HS6ST3: variants seen among roughly 807,000 people sequenced by gnomAD.
HS6ST3 encodes the protein heparan-sulfate 6-O-sulfotransferase 3.
In HS6ST3, 12 loss-of-function variants were observed where a neutral mutation model predicts 36.7. The ratio of observed to expected loss-of-function variants is 0.33; its 90% confidence interval spans 0.21 to 0.53. The LOEUF (loss-of-function observed/expected upper bound fraction) is 0.53. Ranked by LOEUF, HS6ST3 falls within the 20% of genes least tolerant of loss-of-function variation. HS6ST3 has a pLI of 0.95. For missense variants in HS6ST3, 584 were observed against 640.9 expected (o/e 0.91, Z 0.96); for synonymous variants, 240 against 257.5 (o/e 0.93, Z 0.65).
intron 1 of HS6ST3, among the ~76,000 whole-genome samples, chr13:96,636,101 C>T (rs2056548787): frequency 6.6e-6 from 1 of 152,170 alleles, no homozygotes; most frequent in Non-Finnish European, 1.5e-5. Flanking sequence ...AACCCAGAGT[C>T]TTCCCTGGGA....
intron 1 of HS6ST3, among the ~76,000 whole-genome samples, chr13:96,784,892 G>A (rs1877608653): frequency 6.6e-6 from 1 of 152,186 alleles, no homozygotes; most frequent in African/African-American, 2.4e-5. Context: ...CTTAGGCTGG[G>A]CACAGTGGCT....
rs923536416 is a variant in HS6ST3, at chr13:96,258,102, A to G, written c.707+166533A>G. Among the ~76,000 whole-genome samples, 24 of 152,344 alleles carry G rather than the reference A, an allele frequency of 1.6e-4. No individual in the cohort carries two copies. The Middle Eastern group carries it at 0.01, about 65-fold the overall frequency. On this transcript the variant is annotated intron_variant, in intron 1 of 1. Coordinates refer to ENST00000376705, the MANE Select transcript of HS6ST3 (RefSeq NM_153456.4). ...GTACATCAGTTAAATCCAGTGGTCC[A>G]GCCTCAGGACTTAGAAGTTCTGAAG...
intron 1 of HS6ST3, among the ~76,000 whole-genome samples, chr13:96,213,974 T>C (rs2139358827): frequency 6.6e-6 from 1 of 152,258 alleles, no homozygotes; most frequent in South Asian, 2.1e-4. Flanking sequence ...AGCACCTACA[T>C]ACCCATTCCC....
At chr13:96,433,990 T>C (rs548738657) in intron 1 of HS6ST3, among the ~76,000 whole-genome samples, 3 of 152,256 alleles carry the variant, frequency 2.0e-5, no homozygotes, top group African/African-American at 4.8e-5. Context: ...GTCTTGGGTA[T>C]GTCTTTATGC....
intron 1 of HS6ST3, among the ~76,000 whole-genome samples, chr13:96,425,385 A>G (rs1163127868): frequency 6.6e-6 from 1 of 152,174 alleles, no homozygotes; most frequent in Non-Finnish European, 1.5e-5. Context: ...ATATGAGAAT[A>G]TCTGCCAAGT....
intron 1 of HS6ST3, among the ~76,000 whole-genome samples, chr13:96,549,512 C>A (rs2056210753): frequency 6.6e-6 from 1 of 152,076 alleles, no homozygotes; most frequent in Non-Finnish European, 1.5e-5. Flanking sequence ...AATTGTTTTT[C>A]TAGAAGTAAT....
intron 1 of HS6ST3, among the ~76,000 whole-genome samples, chr13:96,411,438 G>A (rs1320830638): frequency 6.6e-6 from 1 of 152,212 alleles, no homozygotes; most frequent in African/African-American, 2.4e-5. Context: ...AGGTTGAGAT[G>A]GGTGAGATAA....
At chr13:96,568,504 G>A (rs138281468) in intron 1 of HS6ST3, among the ~76,000 whole-genome samples, 24 of 152,060 alleles carry the variant, frequency 1.6e-4, no homozygotes, top group Non-Finnish European at 3.4e-4. Context: ...TGATCTGCCC[G>A]CCTCGGCCTC....
At chr13:96,720,650 T>C (rs951516594) in intron 1 of HS6ST3, among the ~76,000 whole-genome samples, 2 of 152,224 alleles carry the variant, frequency 1.3e-5, no homozygotes, top group African/African-American at 4.8e-5. Flanking sequence ...CACCATCCTT[T>C]GCTTTTATCC....
intron 1 of HS6ST3, among the ~76,000 whole-genome samples, chr13:96,810,817 A>G (rs750608554): frequency 7.9e-5 from 12 of 152,232 alleles, no homozygotes; most frequent in Admixed American, 2.6e-4. Context: ...CAGGCTATCC[A>G]CAAAACACAA....
intron 1 of HS6ST3, among the ~76,000 whole-genome samples, chr13:96,203,004 C>CTCCCTCACTCATTTACTCAT (rs2054350538): frequency 6.6e-6 from 1 of 152,120 alleles, no homozygotes; most frequent in Non-Finnish European, 1.5e-5. Flanking sequence ...CATTCACTCA[C>CTCCCTCACTCATTTACTCAT]TCCCTCACTC....
chr13:96,158,281 A>G (rs780765575), intron 1 of HS6ST3, among the ~76,000 whole-genome samples: 4 of 152,074 alleles, frequency 2.6e-5, no homozygotes, highest in African/African-American at 9.7e-5. Context: ...GGTAAAAATG[A>G]TTGGTGGTTT....
intron 1 of HS6ST3, among the ~76,000 whole-genome samples, chr13:96,156,216 A>G (rs1018465840): frequency 1.3e-5 from 2 of 152,180 alleles, no homozygotes; most frequent in South Asian, 4.1e-4. Flanking sequence ...CTGAGACACA[A>G]CAGAGAGGCA....
At chr13:96,145,242 A>G (rs1156824339) in intron 1 of HS6ST3, among the ~76,000 whole-genome samples, 1 of 151,324 alleles carries the variant, frequency 6.6e-6, no homozygotes, top group African/African-American at 2.4e-5. Flanking sequence ...GACTTCCACA[A>G]TGGTTGAACT....
intron 1 of HS6ST3, among the ~76,000 whole-genome samples, chr13:96,138,617 G>T (rs1400145300): frequency 6.6e-6 from 1 of 151,956 alleles, no homozygotes; most frequent in East Asian, 1.9e-4. Context: ...TTTCTCTCCT[G>T]TCCTAGCTTT....
chr13:96,095,774 T>G (rs1341820893), intron 1 of HS6ST3, among the ~76,000 whole-genome samples: 2 of 152,158 alleles, frequency 1.3e-5, no homozygotes, highest in Non-Finnish European at 2.9e-5. Flanking sequence ...GCTTGGAACT[T>G]GTGACTATTC....
chr13:96,372,373 G>A (rs2055294181), intron 1 of HS6ST3, among the ~76,000 whole-genome samples: 2 of 151,948 alleles, frequency 1.3e-5, no homozygotes, highest in South Asian at 4.1e-4. Flanking sequence ...GTATATTTTG[G>A]ATACTAATTC....
intron 1 of HS6ST3, among the ~76,000 whole-genome samples, chr13:96,815,854 T>TA (rs1878409640): frequency 6.6e-6 from 1 of 152,204 alleles, no homozygotes; most frequent in Non-Finnish European, 1.5e-5. Flanking sequence ...CTTGACTAGA[T>TA]ATGCTGTGTT....
At chr13:96,136,396 G>T (rs1032720428) in intron 1 of HS6ST3, among the ~76,000 whole-genome samples, 8 of 152,066 alleles carry the variant, frequency 5.3e-5, no homozygotes, top group Non-Finnish European at 1.2e-4. Context: ...GTGGTGCAAG[G>T]CAGAGCAGGA....
Sources: allele counts gnomAD v4.1 joint callset (sites outside exome capture counted in the v4.1 genomes callset), GRCh38; gene constraint gnomAD v4.1.1; transcripts MANE v1.5; gene names NCBI Gene and HGNC (gene_info 2026-07-23, HGNC 2026-07-21).